Variants in SPTBN5 observed in about 807,000 individuals in gnomAD.
The protein encoded by SPTBN5 is spectrin beta, non-erythrocytic 5, also known as spectrin beta chain, non-erythrocytic 5.
SPTBN5 carries 513 observed loss-of-function variants against 477.6 expected under a neutral mutation model. The observed-to-expected ratio is 1.07, with a 90% confidence interval of 1.00 to 1.16. The LOEUF (loss-of-function observed/expected upper bound fraction) is 1.16. Among genes scored for constraint, SPTBN5 ranks in the 50% most tolerant of loss-of-function variants. The pLI is 0.00. For missense variants in SPTBN5, 5,062 were observed against 4,731.8 expected (o/e 1.07, Z -2.05); for synonymous variants, 2,169 against 2,011.7 (o/e 1.08, Z -2.09).
At position 41,865,808 on chromosome 15, in the gene SPTBN5, C is replaced by A; in HGVS notation, c.6918G>T (p.Gly2306=). Reference sequence around the variant, plus strand: ...CCTCTACCCAGCAAGGCCCTCTTACCCCGGCCGAGTTTCCTCGGAACTCGC... The same window carrying A: ...CCTCTACCCAGCAAGGCCCTCTTACACCGGCCGAGTTTCCTCGGAACTCGC... The part of the protein sequence containing the change: ...RLREFRGNSA[G]DTVGDACIRS... The change falls in exon 39 of 68, where the codon GGG becomes GGT. Residue 2306 remains glycine, a splice_region_variant and synonymous_variant. Coordinates refer to ENST00000320955, the MANE Select transcript of SPTBN5 (RefSeq NM_016642.4). 6.4e-7 allele frequency: 1 copy of A among 1,557,238 alleles called. No individual in the cohort carries two copies. Among genetic ancestry groups the A allele is most frequent in the Non-Finnish European group, 8.7e-7 (1 of 1,151,022 alleles).
Position 41,885,777 on chromosome 15 carries a change from A to G in SPTBN5, c.1478T>C (p.Leu493Pro). The change falls in exon 7 of 68, where the codon CTC (leucine) becomes CCC (proline). Residue 493 changes from leucine (L) to proline (P), a missense_variant. By Grantham distance (98) the Leu-to-Pro change is moderately conservative. Transcript: ENST00000320955. ...FQALAEIADI[L>P]RQEQYHSWAD... ...CCAGCTGTGGTACTGCTCCTGCCGG[A>G]GGATGTCTGCGATCTCAGCCAGGGC... 6.4e-7 allele frequency: 1 copy of G among 1,557,904 alleles called. No individual in the cohort carries two copies.
chr15:41,850,084 C>CTGCCTAAGG, intron 66 of SPTBN5, 125 bp from the exon 67 acceptor site: 1 of 810,040 alleles, frequency 1.2e-6, no homozygotes, highest in Non-Finnish European at 2.0e-6. Flanking sequence ...CTATGCCAGG[C>CTGCCTAAGG]CCTTCCCACG....
At chr15:41,850,102 G>A in intron 66 of SPTBN5, 143 bp from the exon 67 acceptor site, 1 of 710,954 alleles carries the variant, frequency 1.4e-6, no homozygotes, top group Non-Finnish European at 2.4e-6. Flanking sequence ...ACGTGGGGGT[G>A]TGGGGCGGGC....
chr15:41,849,799 A>G (rs759386448), intron 67 of SPTBN5, 70 bp downstream of exon 67: 21 of 1,248,292 alleles, frequency 1.7e-5, no homozygotes, highest in Non-Finnish European at 2.3e-5. Context: ...CTCAGGCTTC[A>G]GAGGACAGCG....
chr15:41,870,507 C>T lies in SPTBN5; in HGVS notation c.5501G>A (p.Arg1834Gln), dbSNP rs747046857. Residue 1834 changes from arginine (R) to glutamine (Q), a missense_variant, in exon 30 of 68, where the codon CGA becomes CAA. Coordinates refer to ENST00000320955, the MANE Select transcript of SPTBN5 (RefSeq NM_016642.4). ...AACTCTGAGGGTGGTCTCGGTGTCTCGGAGCGCGTGGCCTCGGGCCTGGGT... is the reference window on the plus strand; with the variant it reads ...AACTCTGAGGGTGGTCTCGGTGTCTTGGAGCGCGTGGCCTCGGGCCTGGGT... ...ELTQARGHAL[R>Q]DTETTLRVHR... 59 of 1,612,778 alleles carry T rather than the reference C, an allele frequency of 3.7e-5. No individual in the cohort carries two copies. Among genetic ancestry groups the T allele is most frequent in the Middle Eastern group, 3.3e-4 (2 of 6,060 alleles).
chr15:41,853,877 C>T (rs970315215), intron 57 of SPTBN5, 90 bp from the exon 58 acceptor site: 68 of 1,430,276 alleles, frequency 4.8e-5, no homozygotes, highest in Non-Finnish European at 6.2e-5. Context: ...TCTGAGGAAC[C>T]ACCTCCACTC....
rs761397972 is a variant in SPTBN5 at position 41,856,941 on chromosome 15, G to A, written c.8720C>T (p.Ala2907Val). 33 of 1,578,934 alleles carry A rather than the reference G, an allele frequency of 2.1e-5. No individual in the cohort carries two copies. In the South Asian group the frequency reaches 3.2e-4, roughly 16 times the overall value. Residue 2907 changes from alanine (A) to valine (V), a missense_variant, in exon 52 of 68, where the codon GCC becomes GTC. Transcript: ENST00000320955. Reference sequence around the variant, plus strand: ...CAGAGGCAGCTTCTCCTGCACCCAGGCCATTTCCTCGTCGGCGTCCCTGAA... The same window carrying A: ...CAGAGGCAGCTTCTCCTGCACCCAGACCATTTCCTCGTCGGCGTCCCTGAA... ...KFFRDADEEM[A>V]WVQEKLPLAA...
At chr15:41,856,713 C>T in intron 52 of SPTBN5, 115 bp from the exon 53 acceptor site, 1 of 1,341,616 alleles carries the variant, frequency 7.5e-7, no homozygotes, top group Non-Finnish European at 1.0e-6. Flanking sequence ...TTCCCTGTCC[C>T]CATGACTCCC....
In SPTBN5 at chr15:41,855,263, G is replaced by A. The variant is rs372039860; in HGVS notation, c.9384C>T (p.Ala3128=). 1.7e-4 allele frequency: 272 copies of A among 1,612,306 alleles called. No homozygotes were observed. The highest frequency in any genetic ancestry group is 2.2e-4 in the Non-Finnish European group (262 of 1,179,702). ...DAWLTTKAAT[A]ESQDYGQDLE... is the part of the protein sequence containing the mutation. Reference sequence around the variant, plus strand: ...GGTCCTGCCCGTAGTCCTGGGACTCGGCGGTGGCCGCCTTGGTGGTCAGCC... The same window carrying A: ...GGTCCTGCCCGTAGTCCTGGGACTCAGCGGTGGCCGCCTTGGTGGTCAGCC... Residue 3128 remains alanine, a synonymous_variant, in exon 55 of 68, where the codon GCC becomes GCT. Transcript: ENST00000320955.
In SPTBN5 at chr15:41,862,616, C is replaced by T; in HGVS notation, c.7308G>A (p.Glu2436=). 1 of 1,557,824 alleles carries T rather than the reference C, an allele frequency of 6.4e-7. No homozygotes were observed. Among genetic ancestry groups the T allele is most frequent in the Non-Finnish European group, 8.7e-7 (1 of 1,152,754 alleles). ...EVGRLCQRSP[E]AAHGLRHRQQ... is the part of the protein sequence containing the mutation. ...GCCTGTGCCTGAGGCCGTGGGCTGC[C>T]TCGGGGCTTCTTTGGCAGAGGCGGC... is the stretch of plus-strand genomic sequence containing the variant. The change falls in exon 43 of 68, where the codon GAG becomes GAA. Residue 2436 remains glutamate, a synonymous_variant. Transcript: ENST00000320955.
At chr15:41,860,472 G>T in intron 47 of SPTBN5, 114 bp downstream of exon 47, 2 of 1,202,276 alleles carry the variant, frequency 1.7e-6, no homozygotes, top group Non-Finnish European at 1.1e-6. Flanking sequence ...TCAGTCCTTG[G>T]ACAAGGCTGG....
In SPTBN5 at chr15:41,852,886, G is replaced by C; in HGVS notation, c.10285C>G (p.Leu3429Val). Residue 3429 changes from leucine to valine, a missense_variant, in exon 60 of 68, where the codon CTG (leucine) becomes GTG (valine). Physicochemically the swap from Leu to Val is conservative, Grantham distance 32. Coordinates refer to ENST00000320955, the MANE Select transcript of SPTBN5 (RefSeq NM_016642.4). Reference sequence around the variant, plus strand: ...GCCAGCCAGGCCTCAGCCTGCTCCAGCCTCTGCCGAAGCTTCTGCAGGCCC... The same window carrying C: ...GCCAGCCAGGCCTCAGCCTGCTCCACCCTCTGCCGAAGCTTCTGCAGGCCC... Reference protein sequence around the residue: ...SWGLQKLRQRLEQAEAWLACW... With the variant: ...SWGLQKLRQRVEQAEAWLACW... 1 of 1,609,060 alleles carries C rather than the reference G, an allele frequency of 6.2e-7. No individual in the cohort carries two copies.
At chr15:41,880,507 G>C (rs1371714832) in intron 13 of SPTBN5, among the ~76,000 whole-genome samples, 195 bp from the exon 14 acceptor site, 1 of 152,208 alleles carries the variant, frequency 6.6e-6, no homozygotes, top group Non-Finnish European at 1.5e-5. Context: ...GAGGGAGATG[G>C]CAAGGGCTTA....
rs1485772072 is a variant in SPTBN5, at chr15:41,873,869, C to T, written c.4866G>A (p.Leu1622=). The T allele has an allele frequency of 6.2e-7, 1 of 1,611,146 alleles. No homozygotes were observed. The highest frequency in any genetic ancestry group is 1.1e-5 in the South Asian group (1 of 91,084). Reference sequence around the variant, plus strand: ...CCTGCTGGAAAGTGACAGCCTGCTGCAGACACTGGGCCCGCGCTTCACATG... The same window carrying T: ...CCTGCTGGAAAGTGACAGCCTGCTGTAGACACTGGGCCCGCGCTTCACATG... ...ERACEARAQC[L]QQAVTFQQYF... The change falls in exon 25 of 68, where the codon CTG becomes CTA. Residue 1622 remains leucine, a synonymous_variant. Transcript: ENST00000320955.
chr15:41,852,571 C>T lies in SPTBN5; in HGVS notation c.10449+63G>A, dbSNP rs2065800883. On this transcript the variant is annotated intron_variant, in intron 61 of 67. Coordinates refer to ENST00000320955, the MANE Select transcript of SPTBN5 (RefSeq NM_016642.4). ...GGCTCAGTGCCCTGGGAGACACTGA[C>T]TTGCAGGCTGAGAGGGACTGTTCCC... 4 of 1,542,990 alleles carry T rather than the reference C, an allele frequency of 2.6e-6. No homozygotes were observed. In the African/African-American group the frequency reaches 4.1e-5, roughly 16 times the overall value.
At chr15:41,869,329 G>A (rs563345920) in intron 32 of SPTBN5, among the ~76,000 whole-genome samples, 1 of 152,362 alleles carries the variant, frequency 6.6e-6, no homozygotes, top group South Asian at 2.1e-4. Context: ...AGGACAGTGG[G>A]ATGCCGGGGA....
chr15:41,890,515 G>C lies in SPTBN5; in HGVS notation c.385-310C>G, dbSNP rs2067277136. Among the ~76,000 whole-genome samples, 3 of 152,266 alleles carry C rather than the reference G, an allele frequency of 2.0e-5. No homozygotes were observed. The South Asian group carries it at 6.2e-4, about 31-fold the overall frequency. On this transcript the variant is annotated intron_variant, in intron 3 of 67. Coordinates refer to ENST00000320955, the MANE Select transcript of SPTBN5 (RefSeq NM_016642.4). Reference sequence around the variant, plus strand: ...GACCTGGGCCAAGATCAGTGGTTCAGCTGCAGGGTTTGGAAATGAGGGGTC... The same window carrying C: ...GACCTGGGCCAAGATCAGTGGTTCACCTGCAGGGTTTGGAAATGAGGGGTC...
At position 41,851,263 on chromosome 15, in the gene SPTBN5, T is replaced by A; in HGVS notation, c.10743+20A>T. The A allele has an allele frequency of 1.3e-6, 2 of 1,551,626 alleles. No individual in the cohort carries two copies. The highest frequency in any genetic ancestry group is 1.7e-6 in the Non-Finnish European group (2 of 1,147,184). ...TTCCCAGCACCCTGATGTCTGCATC[T>A]CCCCTACCCCGCCTGGTACCTCCGC... is the stretch of plus-strand genomic sequence containing the variant. On this transcript the variant is annotated intron_variant, in intron 64 of 67. Transcript: ENST00000320955.
intron 55 of SPTBN5, 83 bp downstream of exon 55, chr15:41,855,141 C>G: frequency 6.7e-7 from 1 of 1,494,652 alleles, no homozygotes; most frequent in Non-Finnish European, 9.1e-7. Flanking sequence ...TTTCTGCTGA[C>G]TCCCCAGCAA....
Sources: gnomAD v4.1 joint callset for allele counts (sites outside exome capture counted in the v4.1 genomes callset) on GRCh38, gnomAD v4.1.1 for gene constraint, MANE v1.5 for transcripts, NCBI Gene and HGNC (gene_info 2026-07-23, HGNC 2026-07-21) for gene names.